Variants in CDK6 observed in about 807,000 individuals in gnomAD.
The protein encoded by CDK6 is cyclin-dependent kinase 6.
Under a neutral mutation model 37.1 loss-of-function variants are expected in CDK6, and 6 were observed. That is an observed-to-expected ratio of 0.16 (90% CI 0.09 to 0.32). The LOEUF (loss-of-function observed/expected upper bound fraction) is 0.32. CDK6 is among the 10% of genes least tolerant of loss of function. CDK6 has a pLI of 1.00. For synonymous variants in CDK6, 160 were observed against 161.3 expected (o/e 0.99, Z 0.06); for missense variants, 224 against 418.9 (o/e 0.53, Z 4.06).
intron 2 of CDK6, among the ~76,000 whole-genome samples, chr7:92,793,613 C>T (rs551202298): frequency 6.6e-6 from 1 of 152,138 alleles, no homozygotes; most frequent in East Asian, 1.9e-4. Context: ...AAATGGATCA[C>T]AAACCTAAAT....
chr7:92,739,486 A>G (rs1344221282), intron 3 of CDK6, among the ~76,000 whole-genome samples: 3 of 152,258 alleles, frequency 2.0e-5, no homozygotes, highest in Non-Finnish European at 4.4e-5. Flanking sequence ...GTATAATGGT[A>G]CCACCATCCA....
At chr7:92,828,239 T>G (rs1409187715) in intron 2 of CDK6, among the ~76,000 whole-genome samples, 2 of 152,194 alleles carry the variant, frequency 1.3e-5, no homozygotes, top group Non-Finnish European at 1.5e-5. Context: ...TACTTCAGTA[T>G]GGCATACTGC....
At position 92,833,675 on chromosome 7, in the gene CDK6, T is replaced by C. The variant is rs563648242; in HGVS notation, c.-352A>G. The C allele has an allele frequency of 1.5e-4, 70 of 463,894 alleles. No homozygotes were observed. Among genetic ancestry groups the C allele is most frequent in the Admixed American group, 1.5e-3 (36 of 24,050 alleles). 28.7% of individuals were successfully genotyped at this position (463,894 alleles called of 1,614,324 possible). A position where few individuals can be genotyped will look rare whatever the true frequency, so the allele number is the denominator to read the frequency against. On this transcript the variant is annotated 5_prime_UTR_variant, in exon 2 of 8. Coordinates refer to ENST00000424848, the MANE Select transcript of CDK6 (RefSeq NM_001145306.2). This position sits in a 1 kb window ranked among gnomAD's most constrained non-coding sequence, Gnocchi z 6.1. ...TAGCCTCTGCCCAAGCGCGTCTCAG[T>C]CCAGAATCATTGCACCTAAAGGAGG...
intron 2 of CDK6, among the ~76,000 whole-genome samples, chr7:92,830,998 A>G (rs921379524): frequency 1.3e-5 from 2 of 152,254 alleles, no homozygotes; most frequent in East Asian, 1.9e-4. Flanking sequence ...AGATATCTGA[A>G]GTACTTTCAA....
chr7:92,681,461 C>T (rs1478062651), intron 4 of CDK6, among the ~76,000 whole-genome samples: 1 of 152,146 alleles, frequency 6.6e-6, no homozygotes, highest in African/African-American at 2.4e-5. Context: ...AGTCGTACAC[C>T]TCTCCCCCAT....
chr7:92,650,952 C>T (rs1796559836), intron 5 of CDK6, among the ~76,000 whole-genome samples: 1 of 151,706 alleles, frequency 6.6e-6, no homozygotes, highest in Non-Finnish European at 1.5e-5. Context: ...TGCAATGGTG[C>T]AATCTCGGCT....
chr7:92,720,450 T>C (rs1798339115), intron 4 of CDK6, among the ~76,000 whole-genome samples: 1 of 152,202 alleles, frequency 6.6e-6, no homozygotes, highest in African/African-American at 2.4e-5. Context: ...GAATGGCAGT[T>C]TCCCCACTTT....
At chr7:92,744,987 C>CTA (rs1419292860) in intron 3 of CDK6, among the ~76,000 whole-genome samples, 9 of 151,566 alleles carry the variant, frequency 5.9e-5, no homozygotes, top group Non-Finnish European at 1.0e-4. Flanking sequence ...CAAATAATAA[C>CTA]TATATATATA....
chr7:92,659,092 C>T (rs1042199372), intron 5 of CDK6, among the ~76,000 whole-genome samples: 13 of 152,218 alleles, frequency 8.5e-5, no homozygotes, highest in African/African-American at 2.9e-4. Context: ...CAATGTGGGA[C>T]ACAGAAGAAT....
intron 3 of CDK6, among the ~76,000 whole-genome samples, chr7:92,744,205 T>C (rs1156802418): frequency 6.6e-6 from 1 of 152,118 alleles, no homozygotes; most frequent in African/African-American, 2.4e-5. Flanking sequence ...CTGGGTAACT[T>C]ACAAAGAGTA....
rs527475566 is a variant in CDK6, at chr7:92,617,776, A to G, written c.834+296T>C. Among the ~76,000 whole-genome samples, 3 of 152,306 alleles carry G rather than the reference A, an allele frequency of 2.0e-5. No homozygotes were observed. In the South Asian group the frequency reaches 6.2e-4, roughly 32 times the overall value. On this transcript the variant is annotated intron_variant, in intron 7 of 7. Transcript: ENST00000424848. Reference sequence around the variant, plus strand: ...AAGGAAACATAATATTTACTTCTAAAGAAACATATGTCAAAGTGAATCGAG... The same window carrying G: ...AAGGAAACATAATATTTACTTCTAAGGAAACATATGTCAAAGTGAATCGAG...
At chr7:92,770,076 C>T (rs1799673305) in intron 3 of CDK6, among the ~76,000 whole-genome samples, 1 of 152,110 alleles carries the variant, frequency 6.6e-6, no homozygotes, top group Non-Finnish European at 1.5e-5. Flanking sequence ...TGAACTCCTC[C>T]ACAAGTAAAC....
At chr7:92,787,998 C>T (rs546779873) in intron 2 of CDK6, among the ~76,000 whole-genome samples, 1 of 152,068 alleles carries the variant, frequency 6.6e-6, no homozygotes, top group African/African-American at 2.4e-5. Flanking sequence ...AAGAAAAATG[C>T]TAGAAATATA....
chr7:92,776,941 C>T lies in CDK6; in HGVS notation c.234-2110G>A, dbSNP rs576863458. Among the ~76,000 whole-genome samples, 355 of 152,152 alleles carry T rather than the reference C, an allele frequency of 2.3e-3. 1 individual carries two copies. Among genetic ancestry groups the T allele is most frequent in the Non-Finnish European group, 4.2e-3 (283 of 67,988 alleles). ...ATTTGTCAATTTTGGCTTTTGTTGC[C>T]GTTGCTTTTGGTGTTTTAGTCATGA... On this transcript the variant is annotated intron_variant, in intron 2 of 7. Coordinates refer to ENST00000424848, the MANE Select transcript of CDK6 (RefSeq NM_001145306.2).
chr7:92,733,088 C>T (rs1798690568), intron 3 of CDK6, among the ~76,000 whole-genome samples: 1 of 152,154 alleles, frequency 6.6e-6, no homozygotes, highest in African/African-American at 2.4e-5. Context: ...ATTATATTAA[C>T]TTAAATATGT....
At chr7:92,622,213 C>T (rs745355134) in intron 6 of CDK6, among the ~76,000 whole-genome samples, 6 of 152,042 alleles carry the variant, frequency 3.9e-5, no homozygotes, top group Non-Finnish European at 8.8e-5. Flanking sequence ...AGAAGTGCCC[C>T]AGTTACATTC....
In CDK6 at chr7:92,695,282, A is replaced by AG. The variant is rs1554403913; in HGVS notation, c.538-23748_538-23747insC. Among the ~76,000 whole-genome samples the AG allele has an allele frequency of 6.7e-5, 10 of 149,978 alleles. No individual in the cohort carries two copies. In the East Asian group the frequency reaches 2.0e-3, roughly 30 times the overall value. On this transcript the variant is annotated intron_variant, in intron 4 of 7. Transcript: ENST00000424848. ...AAGGGACCCTGAGGTAAAAAAAAAAAAAAGAAAGAAAGAAAGAAAGAAAAA... is the reference window on the plus strand; with the variant it reads ...AAGGGACCCTGAGGTAAAAAAAAAAAGAAAGAAAGAAAGAAAGAAAGAAAAA...
intron 4 of CDK6, among the ~76,000 whole-genome samples, chr7:92,690,892 T>C (rs1191273848): frequency 6.6e-6 from 1 of 152,194 alleles, no homozygotes; most frequent in Non-Finnish European, 1.5e-5. Flanking sequence ...TGGGAGTCAA[T>C]TACCACTATA....
rs1350595422 is a variant in CDK6 at position 92,612,768 on chromosome 7, TTTC to T, written c.*2369_*2371del. On this transcript the variant is annotated 3_prime_UTR_variant, in exon 8 of 8. Transcript: ENST00000424848. Reference sequence around the variant, plus strand: ...AATTCCAGTTCAGAACAGCTGCATTTTTCTTGAGTGAACTTATGAAAACACTTT... The same window carrying T: ...AATTCCAGTTCAGAACAGCTGCATTTTTGAGTGAACTTATGAAAACACTTT... The T allele has an allele frequency of 8.6e-5, 20 of 233,178 alleles. No homozygotes were observed. The highest frequency in any genetic ancestry group is 7.9e-4 in the Admixed American group (14 of 17,800). 14.4% of individuals were successfully genotyped at this position (233,178 alleles called of 1,614,324 possible).
Sources: allele counts gnomAD v4.1 joint callset (sites outside exome capture counted in the v4.1 genomes callset), GRCh38; gene constraint gnomAD v4.1.1; non-coding constraint Gnocchi (gnomAD v3.1); transcripts MANE v1.5; gene names NCBI Gene and HGNC (gene_info 2026-07-23, HGNC 2026-07-21).